Variants in PC observed in about 807,000 individuals in gnomAD.
PC encodes pyruvate carboxylase, mitochondrial.
In PC, 46 loss-of-function variants were observed where a neutral mutation model predicts 107.8. That is an observed-to-expected ratio of 0.43 (90% CI 0.34 to 0.55). The LOEUF (loss-of-function observed/expected upper bound fraction) is 0.55. Ranked by LOEUF, PC falls within the 20% of genes least tolerant of loss-of-function variation. The pLI is 0.04. For missense variants in PC, 1,241 were observed against 1,643.1 expected (o/e 0.76, Z 4.23); for synonymous variants, 662 against 684.7 (o/e 0.97, Z 0.52).
chr11:66,905,512 A>G (rs1414593193), intron 3 of PC, among the ~76,000 whole-genome samples: 1 of 152,240 alleles, frequency 6.6e-6, no homozygotes, highest in Non-Finnish European at 1.5e-5. Context: ...TCTGTAAAAT[A>G]AGAATAATTA....
chr11:66,865,645 C>G (rs760939317), intron 11 of PC, among the ~76,000 whole-genome samples: 1 of 152,196 alleles, frequency 6.6e-6, no homozygotes, highest in Non-Finnish European at 1.5e-5. Flanking sequence ...CTCTCTCCCC[C>G]ACCAAGGCTG....
intron 3 of PC, among the ~76,000 whole-genome samples, chr11:66,945,448 A>C (rs1949261631): frequency 9.2e-6 from 1 of 108,404 alleles, no homozygotes; most frequent in Non-Finnish European, 2.0e-5. Context: ...GCAGAGTTAC[A>C]TGAGATGAGA....
chr11:66,945,418 T>TGG lies in PC; in HGVS notation c.-1+7010_-1+7011dup, dbSNP rs35456030. ...ATAGATTAACTGAATTCAAATGGTT[T>TGG]GGGGGGGCGGGTCGGAACTGCAGAG... On this transcript the variant is annotated intron_variant, in intron 3 of 22. Coordinates refer to ENST00000393960, the MANE Select transcript of PC (RefSeq NM_001040716.2). Among the ~76,000 whole-genome samples, 502 of 69,488 alleles carry TGG rather than the reference T, an allele frequency of 7.2e-3. 72 individuals are homozygous for TGG. Among genetic ancestry groups the TGG allele is most frequent in the South Asian group, 0.022 (51 of 2,320 alleles). 45.6% of individuals were successfully genotyped at this position (69,488 alleles called of 152,430 possible).
At position 66,879,446 on chromosome 11, in the gene PC, GA is replaced by G. The variant is rs535909400; in HGVS notation, c.1-7288del. ...AGTTGGGAGTGTCAGGTGTTGCAGAGAGGGGGGCACCTGTCCCAGAGCACTC... is the reference window on the plus strand; with the variant it reads ...AGTTGGGAGTGTCAGGTGTTGCAGAGGGGGGGCACCTGTCCCAGAGCACTC... On this transcript the variant is annotated intron_variant, in intron 3 of 22. Transcript: ENST00000393960. Among the ~76,000 whole-genome samples, 139 of 152,352 alleles carry G rather than the reference GA, an allele frequency of 9.1e-4. 1 individual carries two copies. Among genetic ancestry groups the G allele is most frequent in the African/African-American group, 3.2e-3 (131 of 41,582 alleles).
At chr11:66,946,657 G>A (rs1475798935) in intron 3 of PC, among the ~76,000 whole-genome samples, 1 of 151,976 alleles carries the variant, frequency 6.6e-6, no homozygotes, top group East Asian at 1.9e-4. Context: ...CAGGCATGAC[G>A]TGCATGCCAT....
intron 3 of PC, among the ~76,000 whole-genome samples, chr11:66,913,885 A>G (rs1205072958): frequency 6.6e-6 from 1 of 152,066 alleles, no homozygotes; most frequent in East Asian, 1.9e-4. Context: ...ATTTGGAGGA[A>G]GGTACCCCTC....
chr11:66,877,576 C>G (rs1947029767), intron 3 of PC, among the ~76,000 whole-genome samples: 1 of 152,158 alleles, frequency 6.6e-6, no homozygotes, highest in Admixed American at 6.5e-5. Flanking sequence ...TGCCCCTGAG[C>G]CCAGTCATTA....
intron 3 of PC, among the ~76,000 whole-genome samples, chr11:66,885,067 G>A (rs528379786): frequency 6.4e-4 from 97 of 152,328 alleles, no homozygotes; most frequent in South Asian, 1.5e-3. Flanking sequence ...GCCTCCCAGA[G>A]GCCTTGGGGA....
Position 66,851,041 on chromosome 11 carries a change from T to G in PC, c.2222A>C (p.Lys741Thr). ...VRAGTHILCI[K>T]DMAGLLKPTA... ...GGGACGGACAAGTGGCCCAGGCACC[T>G]TGATGCACAGGATGTGGGTGCCAGC... The change falls in exon 17 of 23, where the codon AAG (lysine) becomes ACG (threonine). Residue 741 changes from lysine to threonine, a missense_variant and splice_region_variant. Lys to Thr is a moderately conservative substitution (Grantham distance 78). Around this residue, in one of 2 missense-constraint regions of PC, gnomAD observed 1,143 missense variants for 1,551.9 expected, o/e 0.74. Coordinates refer to ENST00000393960, the MANE Select transcript of PC (RefSeq NM_001040716.2). The G allele has an allele frequency of 6.2e-7, 1 of 1,612,830 alleles. No individual in the cohort carries two copies. The highest frequency in any genetic ancestry group is 2.2e-5 in the East Asian group (1 of 44,876).
intron 3 of PC, among the ~76,000 whole-genome samples, chr11:66,900,949 C>T (rs1947935129): frequency 6.6e-6 from 1 of 152,190 alleles, no homozygotes. Flanking sequence ...TTACCTCTTC[C>T]TTTCCAATCT....
intron 3 of PC, among the ~76,000 whole-genome samples, chr11:66,902,921 T>C (rs59932755): frequency 0.063 from 9,668 of 152,260 alleles, 330 homozygotes; most frequent in African/African-American, 0.075. Flanking sequence ...ACCCCAGGGA[T>C]GGGAGGGAAG....
At chr11:66,923,404 G>A (rs1036012010) in intron 3 of PC, among the ~76,000 whole-genome samples, 22 of 150,012 alleles carry the variant, frequency 1.5e-4, no homozygotes, top group Admixed American at 8.6e-4. Context: ...AAAAGAAGTC[G>A]TGCTAGGCAC....
At position 66,853,000 on chromosome 11, in the gene PC, C is replaced by A; in HGVS notation, c.1514-164G>T. The A allele has an allele frequency of 1.4e-6, 1 of 698,300 alleles. No individual in the cohort carries two copies. Among genetic ancestry groups the A allele is most frequent in the Non-Finnish European group, 2.4e-6 (1 of 423,462 alleles). The allele number at this position is 698,300 out of a possible 1,614,324, so 43.3% of individuals were successfully genotyped here. A position where few individuals can be genotyped will look rare whatever the true frequency, so the allele number is the denominator to read the frequency against. ...AAAGCCAGGGCCTCCTGGGTACAGG[C>A]AGTGGGGACGTCTTGAGGACCACGT... is the stretch of plus-strand genomic sequence containing the variant. On this transcript the variant is annotated intron_variant, in intron 13 of 22. Coordinates refer to ENST00000393960, the MANE Select transcript of PC (RefSeq NM_001040716.2). This position sits in a 1 kb window ranked among gnomAD's most constrained non-coding sequence, Gnocchi z 4.7.
intron 3 of PC, among the ~76,000 whole-genome samples, chr11:66,883,857 A>C (rs1300867953): frequency 6.6e-6 from 1 of 152,148 alleles, no homozygotes; most frequent in East Asian, 1.9e-4. Flanking sequence ...AGGCCGAGGC[A>C]GGGGTATCAC....
intron 3 of PC, among the ~76,000 whole-genome samples, chr11:66,894,882 C>T (rs1012762067): frequency 7.2e-5 from 11 of 152,034 alleles, no homozygotes; most frequent in Non-Finnish European, 2.9e-5. Context: ...ATCAGTTGGG[C>T]GTGGTGGCAT....
intron 3 of PC, among the ~76,000 whole-genome samples, chr11:66,914,969 C>T (rs1948431326): frequency 1.3e-5 from 2 of 152,066 alleles, no homozygotes; most frequent in Non-Finnish European, 2.9e-5. Flanking sequence ...GAGTTCAAGG[C>T]TGCAGTGAGC....
At chr11:66,900,178 G>GT (rs71045968) in intron 3 of PC, among the ~76,000 whole-genome samples, 62,808 of 107,302 alleles carry the variant, frequency 0.59, 20,452 homozygotes, top group South Asian at 0.75. Context: ...CTCCAACGTT[G>GT]TTTTTTTTTT....
At chr11:66,900,000 CT>C (rs1237513523) in intron 3 of PC, among the ~76,000 whole-genome samples, 2 of 152,190 alleles carry the variant, frequency 1.3e-5, no homozygotes, top group East Asian at 3.9e-4. Flanking sequence ...AAAGACTATT[CT>C]TTCCCCCATT....
intron 10 of PC, among the ~76,000 whole-genome samples, chr11:66,867,186 G>A (rs980737035): frequency 7.9e-5 from 12 of 152,186 alleles, no homozygotes; most frequent in African/African-American, 2.9e-4. Context: ...AGGAGTTCGA[G>A]ACTAGCCTGG....
Sources: gnomAD v4.1 joint callset for allele counts (sites outside exome capture counted in the v4.1 genomes callset) on GRCh38, gnomAD v4.1.1 for gene constraint, gnomAD v4.1.1 regional missense constraint, Gnocchi (gnomAD v3.1) non-coding constraint, MANE v1.5 for transcripts, NCBI Gene and HGNC (gene_info 2026-07-23, HGNC 2026-07-21) for gene names.